Variants in TRPC4 observed in about 807,000 individuals in gnomAD.
TRPC4 encodes transient receptor potential cation channel subfamily C member 4.
TRPC4 carries 49 observed loss-of-function variants against 99.4 expected under a neutral mutation model. The observed-to-expected ratio is 0.49, with a 90% CI of 0.39 to 0.63. The LOEUF is 0.63. Ranked by LOEUF, TRPC4 falls within the 20% of genes least tolerant of loss-of-function variation. The probability of loss-of-function intolerance (pLI) is 0.00; values close to 1 mark genes in which losing one functional copy is unlikely to be tolerated. For missense variants in TRPC4, 898 were observed against 1,152.9 expected (o/e 0.78, Z 3.20); for synonymous variants, 454 against 425.9 (o/e 1.07, Z -0.81).
At chr13:37,722,249 C>A (rs180774311) in intron 3 of TRPC4, among the ~76,000 whole-genome samples, 1 of 152,236 alleles carries the variant, frequency 6.6e-6, no homozygotes, top group Non-Finnish European at 1.5e-5. Flanking sequence ...GACTATCTAG[C>A]CACATCAGCC....
chr13:37,802,714 A>G (rs1051282630), intron 1 of TRPC4, among the ~76,000 whole-genome samples: 6 of 152,152 alleles, frequency 3.9e-5, no homozygotes, highest in Non-Finnish European at 8.8e-5. Flanking sequence ...GAAATTAACT[A>G]ACTTACTAGT....
chr13:37,676,533 C>T (rs547388081), intron 4 of TRPC4, among the ~76,000 whole-genome samples: 84 of 151,902 alleles, frequency 5.5e-4, no homozygotes, highest in Non-Finnish European at 1.1e-3. Flanking sequence ...CTACCCCATC[C>T]GGCTAATTTT....
chr13:37,827,121 C>T (rs1040060273), intron 1 of TRPC4, among the ~76,000 whole-genome samples: 1 of 152,104 alleles, frequency 6.6e-6, no homozygotes. Flanking sequence ...TTTTCAGCTC[C>T]ATCACCTCCT....
intron 8 of TRPC4, among the ~76,000 whole-genome samples, chr13:37,649,600 G>A (rs1480680719): frequency 6.6e-6 from 1 of 151,798 alleles, no homozygotes; most frequent in African/African-American, 2.4e-5. Flanking sequence ...CGAGAGTGGT[G>A]GCAGGCGCCT....
intron 1 of TRPC4, among the ~76,000 whole-genome samples, chr13:37,822,633 G>T: frequency 6.6e-6 from 1 of 151,770 alleles, no homozygotes; most frequent in South Asian, 2.1e-4. Flanking sequence ...GTATTCCATG[G>T]TGTATATGTG....
At chr13:37,809,457 C>A (rs980020049) in intron 1 of TRPC4, among the ~76,000 whole-genome samples, 1 of 107,044 alleles carries the variant, frequency 9.3e-6, no homozygotes, top group Non-Finnish European at 2.0e-5. Flanking sequence ...ACAAAGTCCC[C>A]GGGTTTTGTG....
chr13:37,718,821 G>A (rs1451386712), intron 3 of TRPC4, among the ~76,000 whole-genome samples: 1 of 152,006 alleles, frequency 6.6e-6, no homozygotes, highest in Non-Finnish European at 1.5e-5. Flanking sequence ...AGTCTCAGAA[G>A]AATAACAGAA....
At chr13:37,847,684 G>A (rs1048766264) in intron 1 of TRPC4, among the ~76,000 whole-genome samples, 3 of 151,948 alleles carry the variant, frequency 2.0e-5, no homozygotes, top group African/African-American at 7.2e-5. Flanking sequence ...ATTTAAAAAG[G>A]GGAAGTGGAG....
intron 5 of TRPC4, among the ~76,000 whole-genome samples, chr13:37,663,981 C>T (rs1952545066): frequency 6.6e-6 from 1 of 152,186 alleles, no homozygotes; most frequent in Non-Finnish European, 1.5e-5. Context: ...TCAGTGCTTC[C>T]TCTCTGCTAT....
At chr13:37,842,352 AAAAAAAAAAAAAAAAAAAGG>A (rs936450190) in intron 1 of TRPC4, among the ~76,000 whole-genome samples, 2 of 142,744 alleles carry the variant, frequency 1.4e-5, no homozygotes, top group African/African-American at 5.2e-5. Flanking sequence ...CCAAAAAAAA[AAAAAAAAAAAAAAAAAAAGG>A]AAAAGGAAAA....
At chr13:37,822,462 C>G (rs1425238456) in intron 1 of TRPC4, among the ~76,000 whole-genome samples, 2 of 150,226 alleles carry the variant, frequency 1.3e-5, no homozygotes, top group Admixed American at 6.7e-5. Flanking sequence ...GATGTTCCCC[C>G]TCCTGTGTCC....
At chr13:37,721,772 T>G (rs1954878037) in intron 3 of TRPC4, among the ~76,000 whole-genome samples, 1 of 152,196 alleles carries the variant, frequency 6.6e-6, no homozygotes, top group Non-Finnish European at 1.5e-5. Flanking sequence ...AGGTGATTTA[T>G]AGGCGATTTT....
chr13:37,753,536 GA>G (rs1390053876), intron 2 of TRPC4, among the ~76,000 whole-genome samples: 1 of 143,696 alleles, frequency 7.0e-6, no homozygotes, highest in Non-Finnish European at 1.5e-5. Flanking sequence ...TGCCAGACAG[GA>G]AAGATGAGAG....
At chr13:37,822,538 G>T (rs1055298458) in intron 1 of TRPC4, among the ~76,000 whole-genome samples, 3 of 146,966 alleles carry the variant, frequency 2.0e-5, no homozygotes, top group African/African-American at 7.6e-5. Context: ...TTTTGTTCTT[G>T]TGATAGTTTA....
At chr13:37,642,822 C>T (rs1317565871) in intron 8 of TRPC4, among the ~76,000 whole-genome samples, 1 of 151,486 alleles carries the variant, frequency 6.6e-6, no homozygotes, top group Non-Finnish European at 1.5e-5. Context: ...CCTCTGTCTC[C>T]CAGATTCAAG....
At chr13:37,721,631 C>T (rs1184846297) in intron 3 of TRPC4, among the ~76,000 whole-genome samples, 5 of 151,894 alleles carry the variant, frequency 3.3e-5, no homozygotes, top group African/African-American at 7.3e-5. Flanking sequence ...ACTAAATGTT[C>T]GAAGATTGTT....
chr13:37,866,913 CA>C (rs1309263616), intron 1 of TRPC4, among the ~76,000 whole-genome samples: 1 of 150,550 alleles, frequency 6.6e-6, no homozygotes, highest in Non-Finnish European at 1.5e-5. Flanking sequence ...GCTGTCTCCT[CA>C]ACCTCATTTT....
intron 4 of TRPC4, among the ~76,000 whole-genome samples, chr13:37,680,936 C>G (rs1040318051): frequency 1.3e-5 from 2 of 152,132 alleles, no homozygotes; most frequent in Non-Finnish European, 2.9e-5. Flanking sequence ...TTCATTATGT[C>G]TGACAGATAA....
intron 1 of TRPC4, among the ~76,000 whole-genome samples, chr13:37,813,035 C>A (rs1957749601): frequency 6.6e-6 from 1 of 151,634 alleles, no homozygotes; most frequent in Non-Finnish European, 1.5e-5. Context: ...TATACCCACC[C>A]AAAATATCTT....
Sources: allele counts gnomAD v4.1 joint callset (sites outside exome capture counted in the v4.1 genomes callset), GRCh38; gene constraint gnomAD v4.1.1; transcripts MANE v1.5; gene names NCBI Gene and HGNC (gene_info 2026-07-23, HGNC 2026-07-21).